ASPA: variants seen among roughly 807,000 people sequenced by gnomAD.
ASPA encodes the protein aspartoacylase, also known as ACY-2.
ASPA carries 25 observed loss-of-function variants against 29.6 expected under a neutral mutation model. That is an observed-to-expected ratio of 0.85 (90% CI 0.62 to 1.18). ASPA has a LOEUF of 1.18. Ranked by LOEUF, ASPA falls within the 50% of genes most tolerant of loss-of-function variation. ASPA has a pLI of 0.00. For missense variants in ASPA, 333 were observed against 385.7 expected (o/e 0.86, Z 1.14); for synonymous variants, 131 against 130.3 (o/e 1.01, Z -0.04).
chr17:3,496,401 C>T (rs11868193), intron 5 of ASPA, among the ~76,000 whole-genome samples: 30,412 of 152,102 alleles, frequency 0.2, 3,547 homozygotes, highest in Middle Eastern at 0.34. Flanking sequence ...TCCAATTAGA[C>T]GGAGTGGTCA....
At position 3,502,094 on chromosome 17, in the gene ASPA, G is replaced by A. The variant is rs546935921; in HGVS notation, c.*3006G>A. 1.3e-5 allele frequency: 2 copies of A among 152,214 alleles called. No individual in the cohort carries two copies. Among genetic ancestry groups the A allele is most frequent in the South Asian group, 2.1e-4 (1 of 4,822 alleles). 9.4% of individuals were successfully genotyped at this position (152,214 alleles called of 1,614,324 possible). ...TTGTTTTATTTTAAGAAATTGTCAC[G>A]GCCATCCCAACCCTCAGTGCCCAAC... is the stretch of plus-strand genomic sequence containing the variant. On this transcript the variant is annotated 3_prime_UTR_variant, in exon 6 of 6. Coordinates refer to ENST00000263080, the MANE Select transcript of ASPA (RefSeq NM_000049.4).
In ASPA at chr17:3,500,336, T is replaced by A. The variant is rs892090800; in HGVS notation, c.*1248T>A. On this transcript the variant is annotated 3_prime_UTR_variant, in exon 6 of 6. Transcript: ENST00000263080. The stretch of plus-strand genomic sequence containing the variant: ...ATCTTCAGTGTAGTTGAAACAGCCT[T>A]CTATTGGAAGAAGATGCTATCTAGG... 7 of 152,414 alleles carry A rather than the reference T, an allele frequency of 4.6e-5. No homozygotes were observed. Among genetic ancestry groups the A allele is most frequent in the African/African-American group, 1.7e-4 (7 of 41,564 alleles). 9.4% of individuals were successfully genotyped at this position (152,414 alleles called of 1,614,324 possible).
rs761064915 is a variant in ASPA, at chr17:3,498,966, G to A, written c.820G>A (p.Gly274Arg). 27 of 1,613,866 alleles carry A rather than the reference G, an allele frequency of 1.7e-5. No individual in the cohort carries two copies. Among genetic ancestry groups the A allele is most frequent in the Non-Finnish European group, 2.0e-5 (24 of 1,179,914 alleles). Residue 274 changes from glycine (G) to arginine (R), a missense_variant, in exon 6 of 6, where the codon GGA becomes AGA. By Grantham distance (125) the Gly-to-Arg change is moderately radical. Transcript: ENST00000263080. ...TGATGGGAAGACGATCCCACTGGGC[G>A]GAGACTGTACCGTGTACCCCGTGTT... ...TLDGKTIPLG[G>R]DCTVYPVFVN...
rs1174409624 is a variant in ASPA, at chr17:3,500,929, C to T, written c.*1841C>T. On this transcript the variant is annotated 3_prime_UTR_variant, in exon 6 of 6. Coordinates refer to ENST00000263080, the MANE Select transcript of ASPA (RefSeq NM_000049.4). ...TGGTTTACTGTATATTTTAAGCCCA[C>T]TGTTGAGACCTACTGCTTGGGAAAA... 7.1e-6 allele frequency: 1 copy of T among 141,362 alleles called. No individual in the cohort carries two copies. Among genetic ancestry groups the T allele is most frequent in the African/African-American group, 2.5e-5 (1 of 39,550 alleles). The allele number at this position is 141,362 out of a possible 1,614,324, so 8.8% of individuals were successfully genotyped here. A position where few individuals can be genotyped will look rare whatever the true frequency, so the allele number is the denominator to read the frequency against.
chr17:3,487,046 G>A (rs975836273), intron 3 of ASPA, among the ~76,000 whole-genome samples: 5 of 147,060 alleles, frequency 3.4e-5, no homozygotes, highest in African/African-American at 1.0e-4. Context: ...ATATTTGTGT[G>A]TGTGTGTGTG....
chr17:3,503,022 C>T lies in ASPA; in HGVS notation c.*3934C>T, dbSNP rs1349004364. 1 of 152,242 alleles carries T rather than the reference C, an allele frequency of 6.6e-6. No homozygotes were observed. Among genetic ancestry groups the T allele is most frequent in the Non-Finnish European group, 1.5e-5 (1 of 68,062 alleles). The allele number at this position is 152,242 out of a possible 1,614,324, so 9.4% of individuals were successfully genotyped here. ...AAACCCCTTGCCTCCCATGATTCTTCTCCTCAAAGGACCTTCTGCTGGACG... is the reference window on the plus strand; with the variant it reads ...AAACCCCTTGCCTCCCATGATTCTTTTCCTCAAAGGACCTTCTGCTGGACG... On this transcript the variant is annotated 3_prime_UTR_variant, in exon 6 of 6. Coordinates refer to ENST00000263080, the MANE Select transcript of ASPA (RefSeq NM_000049.4).
At chr17:3,492,578 T>G (rs1040506585) in intron 4 of ASPA, among the ~76,000 whole-genome samples, 5 of 152,246 alleles carry the variant, frequency 3.3e-5, no homozygotes, top group African/African-American at 1.2e-4. Context: ...TGAATTGTTT[T>G]GTGCCATAGA....
intron 5 of ASPA, among the ~76,000 whole-genome samples, chr17:3,498,279 AG>A (rs1268247084): frequency 6.6e-6 from 1 of 152,188 alleles, no homozygotes. Flanking sequence ...ACATGCATTT[AG>A]TTTTGCCTTT....
chr17:3,475,394 AGTT>A (rs897869392), upstream of ASPA: 22 of 152,422 alleles, frequency 1.4e-4, no homozygotes, highest in African/African-American at 5.1e-4. Flanking sequence ...AAGTACTAAC[AGTT>A]GTCTTTCCTT....
chr17:3,478,379 A>G (rs564454070), intron 1 of ASPA, among the ~76,000 whole-genome samples: 2 of 152,330 alleles, frequency 1.3e-5, no homozygotes, highest in South Asian at 4.1e-4. Context: ...CAGGGCAATT[A>G]TACTGCAGTC....
Position 3,494,465 on chromosome 17 carries a change from A to G in ASPA, c.744+6A>G, listed in dbSNP as rs748011528. The G allele has an allele frequency of 1.6e-5, 25 of 1,587,794 alleles. 1 individual carries two copies. Among genetic ancestry groups the G allele is most frequent in the Non-Finnish European group, 2.0e-5 (23 of 1,156,134 alleles). Reference sequence around the variant, plus strand: ...TCATCCATCCTAATCTGCAGGTAACATTTGTTCTTTCTTTAAAATGTTGAA... The same window carrying G: ...TCATCCATCCTAATCTGCAGGTAACGTTTGTTCTTTCTTTAAAATGTTGAA... On this transcript the variant is annotated splice_donor_region_variant and intron_variant, in intron 5 of 5. Coordinates refer to ENST00000263080, the MANE Select transcript of ASPA (RefSeq NM_000049.4).
chr17:3,491,972 G>A (rs1223194567), intron 4 of ASPA, among the ~76,000 whole-genome samples: 1 of 146,138 alleles, frequency 6.8e-6, no homozygotes, highest in Non-Finnish European at 1.5e-5. Context: ...CAAGTTCCTG[G>A]GCTCAAGCAA....
At chr17:3,486,002 G>T (rs896064767) in intron 3 of ASPA, among the ~76,000 whole-genome samples, 1 of 149,482 alleles carries the variant, frequency 6.7e-6, no homozygotes. Flanking sequence ...GCACAATCTC[G>T]GCTCACTGCA....
intron 3 of ASPA, among the ~76,000 whole-genome samples, chr17:3,487,975 A>T (rs2073757851): frequency 6.6e-6 from 1 of 152,226 alleles, no homozygotes. Context: ...CATATACTTA[A>T]ATATATGTTC....
At position 3,485,789 on chromosome 17, in the gene ASPA, A is replaced by G. The variant is rs889378191; in HGVS notation, c.526+2197A>G. Among the ~76,000 whole-genome samples, 3 of 152,230 alleles carry G rather than the reference A, an allele frequency of 2.0e-5. No homozygotes were observed. The highest frequency in any genetic ancestry group is 7.2e-5 in the African/African-American group (3 of 41,460). ...GTAGAAGACACAAGACTCCTAAAACAGAGACAAAGAATAGATTATTGACAG... is the reference window on the plus strand; with the variant it reads ...GTAGAAGACACAAGACTCCTAAAACGGAGACAAAGAATAGATTATTGACAG... On this transcript the variant is annotated intron_variant, in intron 3 of 5. Coordinates refer to ENST00000263080, the MANE Select transcript of ASPA (RefSeq NM_000049.4). This position sits in a 1 kb window ranked among gnomAD's most constrained non-coding sequence, Gnocchi z 4.4.
In ASPA at chr17:3,485,895, G is replaced by A. The variant is rs1386627826; in HGVS notation, c.526+2303G>A. ...AGGGTGACATAGAGAGAGCCAGATG[G>A]CAGCTATCCATGCCAGTGGTTGCAT... On this transcript the variant is annotated intron_variant, in intron 3 of 5. Coordinates refer to ENST00000263080, the MANE Select transcript of ASPA (RefSeq NM_000049.4). The surrounding 1 kb of genome is among the most constrained non-coding windows in gnomAD (Gnocchi z 4.4). Among the ~76,000 whole-genome samples, 1 of 151,292 alleles carries A rather than the reference G, an allele frequency of 6.6e-6. No homozygotes were observed. The highest frequency in any genetic ancestry group is 1.5e-5 in the Non-Finnish European group (1 of 67,970).
At chr17:3,489,885 A>AATC (rs1567615002) in intron 4 of ASPA, among the ~76,000 whole-genome samples, 1 of 152,204 alleles carries the variant, frequency 6.6e-6, no homozygotes, top group Non-Finnish European at 1.5e-5. Flanking sequence ...CACAAGCAAC[A>AATC]TGTTGTTTAC....
chr17:3,487,274 T>G (rs760035727), intron 3 of ASPA, among the ~76,000 whole-genome samples: 1 of 152,186 alleles, frequency 6.6e-6, no homozygotes, highest in African/African-American at 2.4e-5. Flanking sequence ...CTCAGAAAGA[T>G]TGTCTCTCTA....
Position 3,488,827 on chromosome 17 carries a change from C to T in ASPA, c.527-408C>T, listed in dbSNP as rs970396742. On this transcript the variant is annotated intron_variant, in intron 3 of 5. Coordinates refer to ENST00000263080, the MANE Select transcript of ASPA (RefSeq NM_000049.4). The surrounding 1 kb of genome is among the most constrained non-coding windows in gnomAD (Gnocchi z 6.1). ...CTATAAAAATAGATGTCCTTCCTCC[C>T]GTCACAGCTAAATGTTAGATCTTAA... Among the ~76,000 whole-genome samples the T allele has an allele frequency of 1.3e-5, 2 of 152,172 alleles. No individual in the cohort carries two copies. The highest frequency in any genetic ancestry group is 2.9e-5 in the Non-Finnish European group (2 of 68,026).
Sources: gnomAD v4.1 joint callset for allele counts (sites outside exome capture counted in the v4.1 genomes callset) on GRCh38, gnomAD v4.1.1 for gene constraint, Gnocchi (gnomAD v3.1) non-coding constraint, MANE v1.5 for transcripts, NCBI Gene and HGNC (gene_info 2026-07-23, HGNC 2026-07-21) for gene names.